Variants in MGAT5 observed in about 807,000 individuals in gnomAD.
The protein encoded by MGAT5 is alpha-1,6-mannosylglycoprotein 6-beta-N-acetylglucosaminyltransferase A.
A neutral mutation model predicts 94.3 loss-of-function variants in MGAT5; 30 were observed. The ratio of observed to expected loss-of-function variants is 0.32; its 90% confidence interval spans 0.24 to 0.43. MGAT5 has a LOEUF of 0.43. MGAT5 is among the 20% of genes least tolerant of loss of function. The probability of loss-of-function intolerance (pLI) is 1.00; values close to 1 mark genes in which losing one functional copy is unlikely to be tolerated. For synonymous variants in MGAT5, 310 were observed against 322.9 expected (o/e 0.96, Z 0.43); for missense variants, 691 against 905.5 (o/e 0.76, Z 3.04).
intron 10 of MGAT5, among the ~76,000 whole-genome samples, chr2:134,401,901 C>T (rs1683077607): frequency 6.6e-6 from 1 of 152,152 alleles, no homozygotes; most frequent in Non-Finnish European, 1.5e-5. Flanking sequence ...ATCACCAGGG[C>T]AGTGAATGGC....
intron 12 of MGAT5, among the ~76,000 whole-genome samples, chr2:134,414,808 C>T (rs1171589411): frequency 1.3e-5 from 2 of 152,160 alleles, no homozygotes; most frequent in East Asian, 1.9e-4. Context: ...CTCTGCTCTG[C>T]GAGTTCAACC....
chr2:134,151,516 A>G (rs1474235320), intron 1 of MGAT5, among the ~76,000 whole-genome samples: 7 of 109,738 alleles, frequency 6.4e-5, no homozygotes, highest in African/African-American at 1.4e-4. Flanking sequence ...TGTGGGACCC[A>G]CTCACTGCCA....
At chr2:134,396,573 TAC>T (rs1682722876) in intron 10 of MGAT5, among the ~76,000 whole-genome samples, 2 of 152,228 alleles carry the variant, frequency 1.3e-5, no homozygotes, top group African/African-American at 4.8e-5. Flanking sequence ...TTGATTAGAA[TAC>T]ACACTTAGGT....
intron 1 of MGAT5, among the ~76,000 whole-genome samples, chr2:134,208,391 G>GA (rs1319483449): frequency 6.6e-6 from 1 of 152,126 alleles, no homozygotes; most frequent in Non-Finnish European, 1.5e-5. Flanking sequence ...ACCACACTCA[G>GA]AAAAAACCTT....
In MGAT5 at chr2:134,226,866, G is replaced by A. The variant is rs1039761310; in HGVS notation, c.-142-27396G>A. ...GCAGGTCACACAGGCATGTAAAGCAGCCTGCATGGGTTCTGTGGCAAATTG... is the reference window on the plus strand; with the variant it reads ...GCAGGTCACACAGGCATGTAAAGCAACCTGCATGGGTTCTGTGGCAAATTG... On this transcript the variant is annotated intron_variant, in intron 1 of 16. Transcript: ENST00000409645. Among the ~76,000 whole-genome samples, 4 of 152,280 alleles carry A rather than the reference G, an allele frequency of 2.6e-5. No homozygotes were observed. In the East Asian group the frequency reaches 7.7e-4, roughly 29 times the overall value.
intron 2 of MGAT5, among the ~76,000 whole-genome samples, chr2:134,274,392 G>A (rs549011712): frequency 4.6e-4 from 70 of 152,312 alleles, no homozygotes; most frequent in South Asian, 8.3e-4. Flanking sequence ...GACCTTAGCA[G>A]ACACCGCCTA....
At chr2:134,171,828 G>A (rs1688224463) in intron 1 of MGAT5, among the ~76,000 whole-genome samples, 1 of 152,184 alleles carries the variant, frequency 6.6e-6, no homozygotes, top group African/African-American at 2.4e-5. Context: ...CCTGGGCTAA[G>A]CAGAGAGCTG....
chr2:134,356,010 T>C (rs1455774122), intron 9 of MGAT5, among the ~76,000 whole-genome samples: 1 of 152,264 alleles, frequency 6.6e-6, no homozygotes, highest in African/African-American at 2.4e-5. Context: ...ATTTACTACA[T>C]TGCCTGAGCA....
At chr2:134,260,583 G>A (rs1040965002) in intron 1 of MGAT5, among the ~76,000 whole-genome samples, 2 of 152,102 alleles carry the variant, frequency 1.3e-5, no homozygotes. Flanking sequence ...TTTCATTAAA[G>A]ATGCAAGCAT....
intron 2 of MGAT5, among the ~76,000 whole-genome samples, chr2:134,289,776 C>G (rs752897613): frequency 1.3e-5 from 2 of 152,168 alleles, no homozygotes; most frequent in Non-Finnish European, 2.9e-5. Context: ...TCTCTAAAGA[C>G]CTTCCTTGGT....
chr2:134,136,954 G>T (rs1686436801), intron 1 of MGAT5, among the ~76,000 whole-genome samples: 1 of 152,200 alleles, frequency 6.6e-6, no homozygotes, highest in African/African-American at 2.4e-5. Context: ...AGGCAAGTTT[G>T]TCAGAACGTT....
intron 1 of MGAT5, among the ~76,000 whole-genome samples, chr2:134,128,389 CT>C (rs1685954112): frequency 6.6e-6 from 1 of 152,090 alleles, no homozygotes; most frequent in Non-Finnish European, 1.5e-5. Flanking sequence ...GGCCTTTCCC[CT>C]AGTACCAGCT....
chr2:134,399,805 C>T (rs1682932740), intron 10 of MGAT5, among the ~76,000 whole-genome samples: 2 of 152,158 alleles, frequency 1.3e-5, no homozygotes, highest in African/African-American at 4.8e-5. Context: ...TGGTCACCTT[C>T]ACCCTGGGCC....
intron 2 of MGAT5, among the ~76,000 whole-genome samples, chr2:134,272,624 G>A (rs1261546606): frequency 6.6e-6 from 1 of 152,192 alleles, no homozygotes; most frequent in African/African-American, 2.4e-5. Context: ...TAGCTGTCCA[G>A]TAAATACAAG....
At chr2:134,266,202 T>C (rs773294613) in intron 1 of MGAT5, among the ~76,000 whole-genome samples, 10 of 151,892 alleles carry the variant, frequency 6.6e-5, no homozygotes, top group Middle Eastern at 3.4e-3. Flanking sequence ...AATACTGTTA[T>C]TTCTTTATTT....
chr2:134,240,335 G>C (rs991924494), intron 1 of MGAT5, among the ~76,000 whole-genome samples: 2 of 148,252 alleles, frequency 1.3e-5, no homozygotes. Flanking sequence ...GGTGCCCTGA[G>C]CTTTCATTCT....
chr2:134,127,632 G>T (rs1293081749), intron 1 of MGAT5, among the ~76,000 whole-genome samples: 2 of 152,022 alleles, frequency 1.3e-5, no homozygotes, highest in Non-Finnish European at 2.9e-5. Context: ...GTCACGAGAT[G>T]AGCTGTCCAG....
intron 1 of MGAT5, among the ~76,000 whole-genome samples, chr2:134,221,938 C>T (rs1315645197): frequency 6.6e-6 from 1 of 152,246 alleles, no homozygotes; most frequent in Middle Eastern, 3.4e-3. Flanking sequence ...GCAGCAGGTC[C>T]CATGGCTCTA....
intron 12 of MGAT5, among the ~76,000 whole-genome samples, chr2:134,416,919 T>C (rs1267333924): frequency 2.6e-5 from 4 of 151,746 alleles, no homozygotes; most frequent in Non-Finnish European, 4.4e-5. Flanking sequence ...TCACTCCTTT[T>C]TATGAAAAAA....
Sources: gnomAD v4.1 joint callset for allele counts (sites outside exome capture counted in the v4.1 genomes callset) on GRCh38, gnomAD v4.1.1 for gene constraint, MANE v1.5 for transcripts, NCBI Gene and HGNC (gene_info 2026-07-23, HGNC 2026-07-21) for gene names.